The following CGGBP1 variants were observed in gnomAD, a reference collection of about 807,000 sequenced individuals.
CGGBP1 encodes the protein CGG triplet repeat binding protein 1, also known as CGG triplet repeat-binding protein 1.
In CGGBP1, 4 loss-of-function variants were observed where a neutral mutation model predicts 11.4. The observed-to-expected ratio is 0.35, with a 90% CI of 0.17 to 0.80. The LOEUF (loss-of-function observed/expected upper bound fraction) is 0.80. CGGBP1 is among the 30% of genes least tolerant of loss of function. The pLI is 0.52. For missense variants in CGGBP1, 135 were observed against 202.1 expected, an observed-to-expected ratio of 0.67 and a Z score of 2.01; for synonymous variants, 76 against 74.1, an observed-to-expected ratio of 1.03 and a Z score of -0.13.
chr3:88,070,917 C>G (rs1559689773), intron 2 of CGGBP1, among the ~76,000 whole-genome samples: 1 of 152,062 alleles, frequency 6.6e-6, no homozygotes, highest in African/African-American at 2.4e-5. Context: ...ATGATGGATA[C>G]TTTTTTTCTC....
At chr3:88,081,904 T>C (rs1303037484) in intron 2 of CGGBP1, among the ~76,000 whole-genome samples, 1 of 152,206 alleles carries the variant, frequency 6.6e-6, no homozygotes, top group Non-Finnish European at 1.5e-5. Context: ...AATACTTTTA[T>C]ATATACAACT....
Position 88,141,786 on chromosome 3 carries a change from A to G in CGGBP1, c.-337-708T>C, listed in dbSNP as rs928808387. On this transcript the variant is annotated intron_variant, in intron 1 of 3. Coordinates refer to the CGGBP1 transcript ENST00000462901. ...GTCTTGGATTACTAAAGATAAAGACAAAGCACATTTTCTAGAATGAACTCA... is the reference window on the plus strand; with the variant it reads ...GTCTTGGATTACTAAAGATAAAGACGAAGCACATTTTCTAGAATGAACTCA... 2.8e-5 allele frequency: 17 copies of G among 606,796 alleles called. No individual in the cohort carries two copies. The African/African-American group carries it at 3.2e-4, about 11-fold the overall frequency. 37.6% of individuals were successfully genotyped at this position (606,796 alleles called of 1,614,324 possible).
chr3:88,125,219 A>G (rs543857551), intron 2 of CGGBP1, among the ~76,000 whole-genome samples: 7 of 151,834 alleles, frequency 4.6e-5, no homozygotes, highest in Non-Finnish European at 8.8e-5. Flanking sequence ...CCATCTCAAA[A>G]AAAAAAACAA....
intron 2 of CGGBP1, among the ~76,000 whole-genome samples, chr3:88,134,636 A>G (rs1706662876): frequency 6.6e-6 from 1 of 152,138 alleles, no homozygotes; most frequent in African/African-American, 2.4e-5. Context: ...TACTTTTGAT[A>G]TCTTAATAAA....
chr3:88,103,729 A>G (rs1297756949), intron 2 of CGGBP1, among the ~76,000 whole-genome samples: 1 of 151,706 alleles, frequency 6.6e-6, no homozygotes, highest in African/African-American at 2.4e-5. Flanking sequence ...TGAAGTGACA[A>G]CTTTAAAGTG....
chr3:88,071,665 G>A (rs1484904289), intron 2 of CGGBP1, among the ~76,000 whole-genome samples: 3 of 151,748 alleles, frequency 2.0e-5, no homozygotes, highest in Admixed American at 6.6e-5. Context: ...TTAGCCGGGC[G>A]TGGTGGCGGG....
chr3:88,098,116 C>G (rs1704176841), intron 2 of CGGBP1, among the ~76,000 whole-genome samples: 1 of 151,996 alleles, frequency 6.6e-6, no homozygotes, highest in East Asian at 1.9e-4. Context: ...AGAGAAGAAT[C>G]AAATAGATGC....
intron 2 of CGGBP1, among the ~76,000 whole-genome samples, chr3:88,079,170 C>T (rs1421365659): frequency 1.3e-5 from 2 of 152,040 alleles, no homozygotes; most frequent in Non-Finnish European, 2.9e-5. Flanking sequence ...ATATTATCAT[C>T]GAGTCAAAAA....
chr3:88,131,267 ACT>A (rs777358274), intron 2 of CGGBP1, among the ~76,000 whole-genome samples: 11 of 152,312 alleles, frequency 7.2e-5, no homozygotes, highest in Non-Finnish European at 1.6e-4. Context: ...TTGTGTGACC[ACT>A]GTTGTATACG....
intron 2 of CGGBP1, among the ~76,000 whole-genome samples, chr3:88,073,697 A>G (rs1361588289): frequency 6.6e-6 from 1 of 152,210 alleles, no homozygotes; most frequent in African/African-American, 2.4e-5. Context: ...TAATTAAGGT[A>G]TCTAAATGAA....
intron 2 of CGGBP1, chr3:88,126,419 C>A: frequency 1.1e-6 from 1 of 927,404 alleles, no homozygotes; most frequent in Non-Finnish European, 1.4e-6. Flanking sequence ...GTTTGTTTTT[C>A]TAAACTGGCC....
intron 2 of CGGBP1, chr3:88,095,666 T>C (rs112595836): frequency 2.4e-4 from 113 of 474,672 alleles, no homozygotes; most frequent in African/African-American, 1.4e-3. Context: ...GTTCTCTTTT[T>C]TGGACTTGAT....
intron 2 of CGGBP1, among the ~76,000 whole-genome samples, chr3:88,071,972 A>G (rs4588391): frequency 0.78 from 119,188 of 152,142 alleles, 47,610 homozygotes; most frequent in South Asian, 0.91. Context: ...TTTCTTGTCA[A>G]ACAGTACATA....
intron 2 of CGGBP1, among the ~76,000 whole-genome samples, chr3:88,087,756 T>A (rs1708413494): frequency 6.6e-6 from 1 of 152,188 alleles, no homozygotes; most frequent in Non-Finnish European, 1.5e-5. Context: ...AAACATTTAT[T>A]TAGGGGAGAA....
At chr3:88,076,314 C>T (rs184640736) in intron 2 of CGGBP1, among the ~76,000 whole-genome samples, 1 of 152,284 alleles carries the variant, frequency 6.6e-6, no homozygotes, top group Admixed American at 6.5e-5. Context: ...TTCTGTCCCT[C>T]AGTTAGGTAC....
At chr3:88,097,363 T>G (rs895829115) in intron 2 of CGGBP1, among the ~76,000 whole-genome samples, 3 of 137,784 alleles carry the variant, frequency 2.2e-5, no homozygotes, top group Non-Finnish European at 3.2e-5. Context: ...TTGTCAACAG[T>G]TTTTTTTTTT....
chr3:88,131,097 A>T lies in CGGBP1; in HGVS notation c.-229+9873T>A, dbSNP rs146386620. On this transcript the variant is annotated intron_variant, in intron 2 of 3. Coordinates refer to the CGGBP1 transcript ENST00000462901. Reference sequence around the variant, plus strand: ...ACCTAGATGGTATATCCTACTGCACATCTGGGCTATATGATGTAGCCTGTT... The same window carrying T: ...ACCTAGATGGTATATCCTACTGCACTTCTGGGCTATATGATGTAGCCTGTT... 2.3e-3 allele frequency among the ~76,000 whole-genome samples: 356 copies of T among 152,302 alleles called. 2 individuals are homozygous for T. Among genetic ancestry groups the T allele is most frequent in the African/African-American group, 7.9e-3 (328 of 41,570 alleles).
chr3:88,112,367 C>G (rs193212191), intron 2 of CGGBP1, among the ~76,000 whole-genome samples: 1 of 151,812 alleles, frequency 6.6e-6, no homozygotes, highest in Non-Finnish European at 1.5e-5. Context: ...GGATTTGTCA[C>G]TTGTACTACT....
intron 2 of CGGBP1, chr3:88,086,172 T>C (rs570907710): frequency 7.8e-7 from 1 of 1,276,204 alleles, no homozygotes; most frequent in East Asian, 2.5e-5. Flanking sequence ...ATATTTTAAT[T>C]TATCCAGTAA....
Sources: gnomAD v4.1 joint callset for allele counts (sites outside exome capture counted in the v4.1 genomes callset) on GRCh38, gnomAD v4.1.1 for gene constraint, MANE v1.5 for transcripts, NCBI Gene and HGNC (gene_info 2026-07-23, HGNC 2026-07-21) for gene names.